SAXO1: variants seen among roughly 807,000 people sequenced by gnomAD.
The protein encoded by SAXO1 is 4930500O09Rik.
Under a neutral mutation model 17.5 loss-of-function variants are expected in SAXO1, and 21 were observed. The observed-to-expected ratio is 1.20, with a 90% CI of 0.85 to 1.72. SAXO1 has a LOEUF of 1.72. Among genes scored for constraint, SAXO1 ranks in the 40% most tolerant of loss-of-function variants. SAXO1 has a pLI of 0.00. For synonymous variants in SAXO1, 274 were observed against 216.5 expected, an observed-to-expected ratio of 1.27 and a Z score of -2.33; for missense variants, 843 against 596.0, an observed-to-expected ratio of 1.41 and a Z score of -4.32.
At chr9:19,021,687 C>T (rs1221236049) in intron 1 of SAXO1, among the ~76,000 whole-genome samples, 1 of 152,220 alleles carries the variant, frequency 6.6e-6, no homozygotes, top group African/African-American at 2.4e-5. Flanking sequence ...GAGGTGAAGC[C>T]AGCTGAGCTT....
At chr9:18,954,274 G>C (rs961109097) in intron 1 of SAXO1, among the ~76,000 whole-genome samples, 1 of 152,040 alleles carries the variant, frequency 6.6e-6, no homozygotes, top group South Asian at 2.1e-4. Context: ...AACAATACTT[G>C]ATTCTGTTAA....
At chr9:19,029,189 T>C (rs1835648886) in intron 1 of SAXO1, among the ~76,000 whole-genome samples, 1 of 152,210 alleles carries the variant, frequency 6.6e-6, no homozygotes, top group African/African-American at 2.4e-5. Flanking sequence ...ACAAGTACAA[T>C]GTCCTCAAAA....
At chr9:18,960,244 C>A (rs1832430315) in intron 1 of SAXO1, among the ~76,000 whole-genome samples, 5 of 152,132 alleles carry the variant, frequency 3.3e-5, no homozygotes, top group Admixed American at 3.3e-4. Flanking sequence ...AGGATTTTGC[C>A]AATGGCCTCA....
At chr9:18,959,100 G>T (rs902868737) in intron 1 of SAXO1, among the ~76,000 whole-genome samples, 1 of 152,300 alleles carries the variant, frequency 6.6e-6, no homozygotes, top group Middle Eastern at 3.4e-3. Flanking sequence ...TAGAGCCGCT[G>T]GGGTGGGGAC....
intron 1 of SAXO1, among the ~76,000 whole-genome samples, chr9:19,047,231 G>T (rs1290421017): frequency 6.6e-6 from 1 of 152,124 alleles, no homozygotes; most frequent in Admixed American, 6.5e-5. Flanking sequence ...AGGCATGGTG[G>T]TGGAGGCCTG....
chr9:18,983,708 TCTCAAAGCC>T (rs1262581430), intron 1 of SAXO1, among the ~76,000 whole-genome samples: 5 of 152,168 alleles, frequency 3.3e-5, no homozygotes, highest in African/African-American at 1.2e-4. Flanking sequence ...TCTACTGAGG[TCTCAAAGCC>T]CTCAAAGTCA....
intron 1 of SAXO1, among the ~76,000 whole-genome samples, chr9:18,985,682 G>A (rs1588481972): frequency 6.6e-6 from 1 of 152,202 alleles, no homozygotes; most frequent in South Asian, 2.1e-4. Context: ...AGCACGCAGA[G>A]CCACCACTCC....
chr9:19,023,548 A>G (rs997798461), intron 1 of SAXO1, among the ~76,000 whole-genome samples: 4 of 152,184 alleles, frequency 2.6e-5, no homozygotes, highest in African/African-American at 9.6e-5. Context: ...ATTTGAACCA[A>G]GATAGGCTGG....
At chr9:18,982,946 G>C (rs1028213415) in intron 1 of SAXO1, among the ~76,000 whole-genome samples, 2 of 151,862 alleles carry the variant, frequency 1.3e-5, no homozygotes, top group Non-Finnish European at 2.9e-5. Context: ...ATAAAGCTTA[G>C]TGTGAACACT....
At chr9:19,010,442 A>G (rs10811095) in intron 1 of SAXO1, among the ~76,000 whole-genome samples, 40,481 of 151,676 alleles carry the variant, frequency 0.27, 5,987 homozygotes, top group African/African-American at 0.41. Flanking sequence ...GTCCTACTAA[A>G]CAAATATCCC....
intron 1 of SAXO1, among the ~76,000 whole-genome samples, chr9:19,044,334 ATTAC>A (rs1176043791): frequency 6.6e-6 from 1 of 152,220 alleles, no homozygotes; most frequent in East Asian, 1.9e-4. Context: ...CTCTTTGGGT[ATTAC>A]TTACTATCAA....
Position 19,047,435 on chromosome 9 carries a change from A to G in SAXO1, c.-158+1774T>C, listed in dbSNP as rs559140812. On this transcript the variant is annotated intron_variant, in intron 1 of 3. Coordinates refer to the SAXO1 transcript ENST00000542071. Reference sequence around the variant, plus strand: ...ATATCCAGACCTTAGGAGTATTCACATGACAGAATAGAGGAAATACATCAT... The same window carrying G: ...ATATCCAGACCTTAGGAGTATTCACGTGACAGAATAGAGGAAATACATCAT... Among the ~76,000 whole-genome samples, 9 of 152,344 alleles carry G rather than the reference A, an allele frequency of 5.9e-5. No individual in the cohort carries two copies. In the South Asian group the frequency reaches 8.3e-4, roughly 14 times the overall value.
chr9:19,000,263 G>C (rs1330896959), intron 1 of SAXO1, among the ~76,000 whole-genome samples: 1 of 151,140 alleles, frequency 6.6e-6, no homozygotes, highest in Admixed American at 6.6e-5. Flanking sequence ...CAACTGACTG[G>C]GACGTGAGGA....
intron 1 of SAXO1, among the ~76,000 whole-genome samples, chr9:18,968,834 T>C (rs1012362069): frequency 1.3e-5 from 2 of 152,166 alleles, no homozygotes; most frequent in Non-Finnish European, 2.9e-5. Flanking sequence ...CCTCAGGTAA[T>C]CCACCCACCT....
At chr9:18,980,595 C>A (rs1198410483) in intron 1 of SAXO1, among the ~76,000 whole-genome samples, 1 of 150,270 alleles carries the variant, frequency 6.7e-6, no homozygotes, top group African/African-American at 2.5e-5. Context: ...GGGTGTGCAC[C>A]AGGCTGGGGC....
intron 1 of SAXO1, among the ~76,000 whole-genome samples, chr9:19,001,451 AG>A (rs1360750571): frequency 1.3e-5 from 2 of 152,092 alleles, no homozygotes. Flanking sequence ...GTGGATCATG[AG>A]GTCCAGAGAT....
At chr9:19,034,872 C>G (rs147413430), upstream of SAXO1, among the ~76,000 whole-genome samples, 1 of 152,200 alleles carries the variant, frequency 6.6e-6, no homozygotes, top group African/African-American at 2.4e-5. Context: ...TAAACATTAT[C>G]CATAAATCTT....
chr9:19,032,522 T>C (rs903947203), intron 1 of SAXO1, among the ~76,000 whole-genome samples: 5 of 152,226 alleles, frequency 3.3e-5, no homozygotes, highest in Admixed American at 2.0e-4. Context: ...CCTATCACTT[T>C]CCCAAAAGGA....
At chr9:18,939,602 G>A (rs532696673) in intron 3 of SAXO1, among the ~76,000 whole-genome samples, 2 of 152,328 alleles carry the variant, frequency 1.3e-5, no homozygotes, top group South Asian at 4.1e-4. Flanking sequence ...CATCACATGT[G>A]CTAAACAAAT....
Sources: allele counts gnomAD v4.1 joint callset (sites outside exome capture counted in the v4.1 genomes callset), GRCh38; gene constraint gnomAD v4.1.1; transcripts MANE v1.5; gene names NCBI Gene and HGNC (gene_info 2026-07-23, HGNC 2026-07-21).